Variants in GREB1L observed in about 807,000 individuals in gnomAD.
GREB1L encodes the protein GREB1 like retinoic acid receptor coactivator, also known as GREB1-like protein.
In GREB1L, 17 loss-of-function variants were observed where a neutral mutation model predicts 200.8. The observed-to-expected ratio is 0.08, with a 90% confidence interval of 0.06 to 0.13. The LOEUF (loss-of-function observed/expected upper bound fraction) is 0.13. Among genes scored for constraint, GREB1L ranks in the 10% least tolerant of loss-of-function variants. The probability of loss-of-function intolerance (pLI) is 1.00; values close to 1 mark genes in which losing one functional copy is unlikely to be tolerated. For synonymous variants in GREB1L, 789 were observed against 893.0 expected (o/e 0.88, Z 2.08); for missense variants, 1,657 against 2,367.7 (o/e 0.70, Z 6.23).
chr18:21,311,635 C>T (rs1430257024), intron 1 of GREB1L, among the ~76,000 whole-genome samples: 4 of 152,120 alleles, frequency 2.6e-5, no homozygotes, highest in African/African-American at 9.7e-5. Context: ...AGATACTATG[C>T]GCTGCAGGAT....
At chr18:21,359,360 G>A (rs1223816246) in intron 1 of GREB1L, among the ~76,000 whole-genome samples, 2 of 152,168 alleles carry the variant, frequency 1.3e-5, no homozygotes, top group Non-Finnish European at 2.9e-5. Flanking sequence ...TGAGGCAGGA[G>A]AATCATTTGA....
chr18:21,465,119 A>G (rs1170776802), intron 15 of GREB1L, among the ~76,000 whole-genome samples: 1 of 152,200 alleles, frequency 6.6e-6, no homozygotes, highest in Non-Finnish European at 1.5e-5. Flanking sequence ...AGAACATTTA[A>G]AATCTACTCT....
chr18:21,429,115 C>G (rs2032906437), intron 7 of GREB1L, among the ~76,000 whole-genome samples: 2 of 68,794 alleles, frequency 2.9e-5, no homozygotes, highest in South Asian at 5.4e-4. Flanking sequence ...TTCTCCCTTC[C>G]TTCCTTCCTT....
rs547620917 is a variant in GREB1L, at chr18:21,511,129, C to T, written c.4735+2538C>T. 4.6e-5 allele frequency among the ~76,000 whole-genome samples: 7 copies of T among 152,276 alleles called. No individual in the cohort carries two copies. In the East Asian group the frequency reaches 1.3e-3, roughly 29 times the overall value. ...GTGGCTCACACCTGTAATCCCAGCA[C>T]TCTGGGAGGCCGAGGCGGGCAGATC... is the stretch of plus-strand genomic sequence containing the variant. On this transcript the variant is annotated intron_variant, in intron 27 of 32. Coordinates refer to ENST00000424526, the MANE Select transcript of GREB1L (RefSeq NM_001142966.3).
intron 27 of GREB1L, among the ~76,000 whole-genome samples, chr18:21,511,470 T>C (rs1444189522): frequency 1.3e-5 from 2 of 152,348 alleles, no homozygotes; most frequent in African/African-American, 4.8e-5. Flanking sequence ...TGATATCATA[T>C]GTAAGAGATC....
At chr18:21,453,087 T>C (rs563166927) in intron 14 of GREB1L, among the ~76,000 whole-genome samples, 1 of 152,384 alleles carries the variant, frequency 6.6e-6, no homozygotes, top group East Asian at 1.9e-4. Flanking sequence ...TTTTGAATTG[T>C]TAACACATTT....
At chr18:21,306,005 C>A (rs1188187892) in intron 1 of GREB1L, among the ~76,000 whole-genome samples, 1 of 152,142 alleles carries the variant, frequency 6.6e-6, no homozygotes, top group African/African-American at 2.4e-5. Flanking sequence ...TATATTCCTC[C>A]CTCCTGTGTT....
chr18:21,264,374 C>T (rs2037934963), intron 1 of GREB1L, among the ~76,000 whole-genome samples: 1 of 151,930 alleles, frequency 6.6e-6, no homozygotes, highest in Admixed American at 6.6e-5. Flanking sequence ...TTTTGGATCA[C>T]TTTAATCTAC....
In GREB1L at chr18:21,500,322, C is replaced by G. The variant is rs1259434005; in HGVS notation, c.3969+16C>G. 1 of 1,080,266 alleles carries G rather than the reference C, an allele frequency of 9.3e-7. No homozygotes were observed. Among genetic ancestry groups the G allele is most frequent in the Admixed American group, 2.1e-5 (1 of 48,424 alleles). The allele number at this position is 1,080,266 out of a possible 1,614,324, so 66.9% of individuals were successfully genotyped here. On this transcript the variant is annotated intron_variant, in intron 22 of 32. Coordinates refer to ENST00000424526, the MANE Select transcript of GREB1L (RefSeq NM_001142966.3). ...GCCCCCACAGGTAGGGCCAAGCCAGCCGGGGCCGTTTCTTAGGCTGGGGTT... is the reference window on the plus strand; with the variant it reads ...GCCCCCACAGGTAGGGCCAAGCCAGGCGGGGCCGTTTCTTAGGCTGGGGTT...
chr18:21,481,154 A>G (rs2035898178), intron 17 of GREB1L, among the ~76,000 whole-genome samples: 1 of 152,150 alleles, frequency 6.6e-6, no homozygotes, highest in African/African-American at 2.4e-5. Context: ...AGTCACATTT[A>G]TTTGAGAGGT....
chr18:21,247,341 C>A (rs2037622910), intron 1 of GREB1L, among the ~76,000 whole-genome samples: 2 of 152,108 alleles, frequency 1.3e-5, no homozygotes, highest in African/African-American at 4.8e-5. Flanking sequence ...TTATGAGTAT[C>A]TTCAGCAGTC....
intron 11 of GREB1L, among the ~76,000 whole-genome samples, chr18:21,447,522 C>T (rs1247012601): frequency 1.3e-5 from 2 of 152,118 alleles, no homozygotes; most frequent in African/African-American, 2.4e-5. Flanking sequence ...CCCAGAATGC[C>T]TTTGTGCTTT....
intron 1 of GREB1L, among the ~76,000 whole-genome samples, chr18:21,302,275 G>A (rs957100286): frequency 2.0e-5 from 3 of 152,176 alleles, no homozygotes; most frequent in Admixed American, 6.5e-5. Flanking sequence ...GTAGTAGTAT[G>A]CTTTTTTGGA....
chr18:21,255,178 T>C (rs1306908850), intron 1 of GREB1L, among the ~76,000 whole-genome samples: 20 of 152,224 alleles, frequency 1.3e-4, no homozygotes, highest in Admixed American at 1.3e-3. Context: ...ATAAAACCTC[T>C]ATTCTAGACA....
chr18:21,487,943 G>A (rs529348850), intron 18 of GREB1L, among the ~76,000 whole-genome samples: 159 of 152,086 alleles, frequency 1.0e-3, no homozygotes, highest in Non-Finnish European at 1.6e-3. Context: ...CCTGGGAGGC[G>A]GAGGTTGCAG....
At chr18:21,408,223 AC>A (rs1381122308) in intron 7 of GREB1L, among the ~76,000 whole-genome samples, 3 of 152,210 alleles carry the variant, frequency 2.0e-5, no homozygotes, top group African/African-American at 4.8e-5. Context: ...AAATATGTGT[AC>A]CCCATAAATA....
intron 19 of GREB1L, among the ~76,000 whole-genome samples, chr18:21,494,851 C>A (rs921776554): frequency 6.6e-6 from 1 of 152,078 alleles, no homozygotes; most frequent in African/African-American, 2.4e-5. Context: ...GATCATTTTA[C>A]TTTTGAATAT....
intron 7 of GREB1L, among the ~76,000 whole-genome samples, chr18:21,431,055 T>C (rs1293749948): frequency 6.6e-6 from 1 of 150,978 alleles, no homozygotes; most frequent in Non-Finnish European, 1.5e-5. Context: ...GGAATCTTGT[T>C]CTGTCACCCA....
At chr18:21,488,567 A>T (rs1488967259) in intron 18 of GREB1L, among the ~76,000 whole-genome samples, 2 of 152,202 alleles carry the variant, frequency 1.3e-5, no homozygotes, top group East Asian at 3.9e-4. Flanking sequence ...GAAAGTGCAC[A>T]GCCCCAGCCT....
Sources: gnomAD v4.1 joint callset for allele counts (sites outside exome capture counted in the v4.1 genomes callset) on GRCh38, gnomAD v4.1.1 for gene constraint, MANE v1.5 for transcripts, NCBI Gene and HGNC (gene_info 2026-07-23, HGNC 2026-07-21) for gene names.